The following RASL11A variants were observed in gnomAD, a reference collection of about 807,000 sequenced individuals.
RASL11A encodes RAS like family 11 member A, also known as ras-like protein family member 11A.
RASL11A carries 14 observed loss-of-function variants against 17.1 expected under a neutral mutation model. The ratio of observed to expected loss-of-function variants is 0.82; its 90% CI spans 0.54 to 1.28. The LOEUF (loss-of-function observed/expected upper bound fraction) is 1.28, where lower values mean the gene tolerates loss of function less well. Among genes scored for constraint, RASL11A ranks in the 50% most tolerant of loss-of-function variants. RASL11A has a pLI of 0.00. For synonymous variants in RASL11A, 146 were observed against 132.5 expected (o/e 1.10, Z -0.70); for missense variants, 283 against 312.3 (o/e 0.91, Z 0.71).
Position 27,274,929 on chromosome 13 carries a change from T to G in RASL11A, c.*1435T>G, listed in dbSNP as rs115001866. ...GATTACCATGAAACAAATTGTTACTTCTGCAGGGCAAGGACAGGTGTTCTG... is the reference window on the plus strand; with the variant it reads ...GATTACCATGAAACAAATTGTTACTGCTGCAGGGCAAGGACAGGTGTTCTG... On this transcript the variant is annotated 3_prime_UTR_variant, in exon 4 of 4. Coordinates refer to ENST00000241463, the MANE Select transcript of RASL11A (RefSeq NM_206827.2). 7.1e-3 allele frequency among the ~76,000 whole-genome samples: 1,085 copies of G among 152,344 alleles called. 14 individuals carry two copies. Among genetic ancestry groups the G allele is most frequent in the African/African-American group, 0.025 (1,038 of 41,596 alleles).
At position 27,271,077 on chromosome 13, in the gene RASL11A, G is replaced by C. The variant is rs1003599606; in HGVS notation, c.124+9G>C. 1.3e-6 allele frequency: 2 copies of C among 1,560,900 alleles called. No homozygotes were observed. Among genetic ancestry groups the C allele is most frequent in the Non-Finnish European group, 1.7e-6 (2 of 1,152,674 alleles). On this transcript the variant is annotated intron_variant, in intron 1 of 3. Transcript: ENST00000241463. The stretch of plus-strand genomic sequence containing the variant: ...CCGCGTGGGCAAGAGCGGTGAGTGC[G>C]GCGGGGACCCCCGGGCGGCTTCGCT...
In RASL11A at chr13:27,273,521, T is replaced by C. The variant is rs1593269167; in HGVS notation, c.*27T>C. 6.5e-7 allele frequency: 1 copy of C among 1,546,372 alleles called. No individual in the cohort carries two copies. The highest frequency in any genetic ancestry group is 8.9e-7 in the Non-Finnish European group (1 of 1,123,892). On this transcript the variant is annotated 3_prime_UTR_variant, in exon 4 of 4. Transcript: ENST00000241463. Reference sequence around the variant, plus strand: ...CTATCTCAGACAGATGCCTCTCCTTTTTAATACGCATTTGTGCAGCTAAAA... The same window carrying C: ...CTATCTCAGACAGATGCCTCTCCTTCTTAATACGCATTTGTGCAGCTAAAA...
rs763780822 is a variant in RASL11A at position 27,271,635 on chromosome 13, C to T, written c.182-4C>T. 2.1e-5 allele frequency: 34 copies of T among 1,614,126 alleles called. No homozygotes were observed. The South Asian group carries it at 3.6e-4, about 17-fold the overall frequency. On this transcript the variant is annotated splice_polypyrimidine_tract_variant and splice_region_variant and intron_variant, in intron 2 of 3. Transcript: ENST00000241463. ...TAAAAAGCAAACTCTACTTCATTCT[C>T]CAGGCAAGCTGTATTCACGGCTGGT...
Position 27,273,454 on chromosome 13 carries a change from C to T in RASL11A, c.689C>T (p.Ala230Val), listed in dbSNP as rs748871171. The T allele has an allele frequency of 1.4e-5, 23 of 1,614,172 alleles. 1 individual carries two copies. The South Asian group carries it at 2.1e-4, about 15-fold the overall frequency. The stretch of plus-strand genomic sequence containing the variant: ...GACCTGAAGAGACGCTTCAAGCAGG[C>T]TCTGTCTCCCAAAGTCAAAGCCCCC... ...MQDLKRRFKQ[A>V]LSPKVKAPSA... Residue 230 changes from alanine to valine, a missense_variant, in exon 4 of 4, where the codon GCT becomes GTT. By Grantham distance (64) the Ala-to-Val change is moderately conservative (BLOSUM62 0). Coordinates refer to ENST00000241463, the MANE Select transcript of RASL11A (RefSeq NM_206827.2).
chr13:27,273,138 C>G lies in RASL11A; in HGVS notation c.373C>G (p.Arg125Gly). The change falls in exon 4 of 4, where the codon CGA becomes GGA. Residue 125 changes from arginine to glycine, a missense_variant. Arg to Gly is a moderately radical substitution (Grantham distance 125). Coordinates refer to ENST00000241463, the MANE Select transcript of RASL11A (RefSeq NM_206827.2). ...AGACTATGACAGCTACTTGTCCATCCGACCCCTTTATCAGCACATCCGGAA... is the reference window on the plus strand; with the variant it reads ...AGACTATGACAGCTACTTGTCCATCGGACCCCTTTATCAGCACATCCGGAA... ...ITDYDSYLSIRPLYQHIRKVH... is the reference protein window; with the variant it reads ...ITDYDSYLSIGPLYQHIRKVH... The G allele has an allele frequency of 6.2e-7, 1 of 1,614,168 alleles. No individual in the cohort carries two copies. Among genetic ancestry groups the G allele is most frequent in the Non-Finnish European group, 8.5e-7 (1 of 1,180,026 alleles).
In RASL11A at chr13:27,271,694, C is replaced by G. The variant is rs1882296102; in HGVS notation, c.237C>G (p.Ile79Met). ...AGGGGGACCAGCTCTCCCTGCAGATCCAGGATACTCCCGGGGGCGTCCAGG... is the reference window on the plus strand; with the variant it reads ...AGGGGGACCAGCTCTCCCTGCAGATGCAGGATACTCCCGGGGGCGTCCAGG... ...YVEGDQLSLQIQDTPGGVQIQ... is the reference protein window; with the variant it reads ...YVEGDQLSLQMQDTPGGVQIQ... Residue 79 changes from isoleucine to methionine, a missense_variant, in exon 3 of 4, where the codon ATC becomes ATG. Transcript: ENST00000241463. 1 of 1,611,890 alleles carries G rather than the reference C, an allele frequency of 6.2e-7. No homozygotes were observed. The highest frequency in any genetic ancestry group is 1.1e-5 in the South Asian group (1 of 90,956).
rs914434774 is a variant in RASL11A, at chr13:27,270,868, C to G, written c.-77C>G. 7.3e-5 allele frequency: 112 copies of G among 1,527,774 alleles called. No homozygotes were observed. Among genetic ancestry groups the G allele is most frequent in the South Asian group, 4.5e-4 (36 of 80,280 alleles). 94.6% of individuals were successfully genotyped at this position (1,527,774 alleles called of 1,614,324 possible). On this transcript the variant is annotated 5_prime_UTR_variant, in exon 1 of 4. Transcript: ENST00000241463. ...GGTCCCGGACCTCTAGTCCCGCACT[C>G]CCAGCTGGCGAGCCGGCTCCGGGTG...
chr13:27,273,491 G>A lies in RASL11A; in HGVS notation c.726G>A (p.Gly242=), dbSNP rs201948182. The change falls in exon 4 of 4, where the codon GGG becomes GGA. Residue 242 remains glycine, a synonymous_variant. Transcript: ENST00000241463. The stretch of plus-strand genomic sequence containing the variant: ...AAGTCAAAGCCCCCTCTGCACTGGG[G>A]TGAACTATCTCAGACAGATGCCTCT... ...SPKVKAPSAL[G] is the part of the protein sequence containing the mutation. The A allele has an allele frequency of 1.4e-4, 233 of 1,612,698 alleles. No individual in the cohort carries two copies. In the Middle Eastern group the frequency reaches 2.4e-3, roughly 16 times the overall value.
rs760917496 is a variant in RASL11A at position 27,273,402 on chromosome 13, C to T, written c.637C>T (p.Pro213Ser). Reference sequence around the variant, plus strand: ...GGAAAGAAGAAGAGCCTCCATCATCCCTCGGCCCCGCTCTCCCAACATGCA... The same window carrying T: ...GGAAAGAAGAAGAGCCTCCATCATCTCTCGGCCCCGCTCTCCCAACATGCA... ...SGERRRASIIPRPRSPNMQDL... is the reference protein window; with the variant it reads ...SGERRRASIISRPRSPNMQDL... Residue 213 changes from proline (P) to serine (S), a missense_variant, in exon 4 of 4, where the codon CCT becomes TCT. Physicochemically the swap from Pro to Ser is moderately conservative, Grantham distance 74 (BLOSUM62 -1). Coordinates refer to ENST00000241463, the MANE Select transcript of RASL11A (RefSeq NM_206827.2). 45 of 1,614,046 alleles carry T rather than the reference C, an allele frequency of 2.8e-5. No individual in the cohort carries two copies. In the Middle Eastern group the frequency reaches 4.9e-4, roughly 18 times the overall value.
chr13:27,272,978 C>A, intron 3 of RASL11A, 49 bp from the exon 4 acceptor site: 2 of 1,472,232 alleles, frequency 1.4e-6, no homozygotes, highest in Non-Finnish European at 1.9e-6. Context: ...TTGAGTTTAT[C>A]TCCCACTGAG....
At chr13:27,272,497 C>A (rs1047711578) in intron 3 of RASL11A, among the ~76,000 whole-genome samples, 6 of 152,186 alleles carry the variant, frequency 3.9e-5, no homozygotes, top group Non-Finnish European at 8.8e-5. Flanking sequence ...AATCAGATAA[C>A]CCCTTGGCAG....
In RASL11A at chr13:27,273,496, C is replaced by A. The variant is rs1348206851; in HGVS notation, c.*2C>A. On this transcript the variant is annotated 3_prime_UTR_variant, in exon 4 of 4. Coordinates refer to ENST00000241463, the MANE Select transcript of RASL11A (RefSeq NM_206827.2). ...AAAGCCCCCTCTGCACTGGGGTGAACTATCTCAGACAGATGCCTCTCCTTT... is the reference window on the plus strand; with the variant it reads ...AAAGCCCCCTCTGCACTGGGGTGAAATATCTCAGACAGATGCCTCTCCTTT... 5 of 1,602,940 alleles carry A rather than the reference C, an allele frequency of 3.1e-6. No individual in the cohort carries two copies. The Admixed American group carries it at 6.7e-5, about 22-fold the overall frequency.
Position 27,274,336 on chromosome 13 carries a change from A to G in RASL11A, c.*842A>G, listed in dbSNP as rs1424016604. 2.0e-5 allele frequency among the ~76,000 whole-genome samples: 3 copies of G among 152,208 alleles called. No individual in the cohort carries two copies. The highest frequency in any genetic ancestry group is 2.0e-4 in the Admixed American group (3 of 15,284). The stretch of plus-strand genomic sequence containing the variant: ...CATCTCCTAATTGTCTCTTCACATC[A>G]GAACAATGCTACTAAAACTAACCCT... On this transcript the variant is annotated 3_prime_UTR_variant, in exon 4 of 4. Coordinates refer to ENST00000241463, the MANE Select transcript of RASL11A (RefSeq NM_206827.2).
At chr13:27,271,234 C>T (rs1359505321) in intron 1 of RASL11A, 166 bp downstream of exon 1, 2 of 1,446,560 alleles carry the variant, frequency 1.4e-6, no homozygotes, top group Non-Finnish European at 1.8e-6. Context: ...GGCCTGCTTC[C>T]CTGGCGTTTC....
chr13:27,270,904 C>T lies in RASL11A; in HGVS notation c.-41C>T. On this transcript the variant is annotated 5_prime_UTR_variant, in exon 1 of 4. Coordinates refer to ENST00000241463, the MANE Select transcript of RASL11A (RefSeq NM_206827.2). ...AGCCGGCTCCGGGTGCGGCGAGGCC[C>T]AGCCCTCTCGGATTGCGCGCCGGAC... 2 of 1,556,888 alleles carry T rather than the reference C, an allele frequency of 1.3e-6. No individual in the cohort carries two copies. The highest frequency in any genetic ancestry group is 1.7e-6 in the Non-Finnish European group (2 of 1,151,234).
In RASL11A at chr13:27,273,311, C is replaced by T. The variant is rs138870499; in HGVS notation, c.546C>T (p.Tyr182=). 560 of 1,614,168 alleles carry T rather than the reference C, an allele frequency of 3.5e-4. No individual in the cohort carries two copies. Among genetic ancestry groups the T allele is most frequent in the Admixed American group, 6.2e-4 (37 of 60,018 alleles). Residue 182 remains tyrosine (Y), a synonymous_variant, in exon 4 of 4, where the codon TAC becomes TAT. Transcript: ENST00000241463. ...LFLEISTSEN[Y]EDVCDVFQHL... is the part of the protein sequence containing the mutation. ...TTGAAATTTCCACTAGCGAAAACTA[C>T]GAAGATGTCTGTGATGTGTTTCAGC...
At chr13:27,271,748 C>T (rs1882299428) in intron 3 of RASL11A, 30 bp downstream of exon 3, 2 of 1,577,812 alleles carry the variant, frequency 1.3e-6, no homozygotes, top group African/African-American at 2.7e-5. Context: ...AACAGCTCAC[C>T]CCCACCCGTG....
chr13:27,273,354 AGCAAGATGCACG>A lies in RASL11A; in HGVS notation c.592_603del (p.Lys198_Gly201del). 6.2e-7 allele frequency: 1 copy of A among 1,614,246 alleles called. No individual in the cohort carries two copies. Among genetic ancestry groups the A allele is most frequent in the South Asian group, 1.1e-5 (1 of 91,088 alleles). Reference sequence around the variant, plus strand: ...GTTTCAGCATCTCTGCAAAGAAGTGAGCAAGATGCACGGCCTCAGTGGGGAAAGAAGAAGAGC... The same window carrying A: ...GTTTCAGCATCTCTGCAAAGAAGTGAGCCTCAGTGGGGAAAGAAGAAGAGC... On this transcript the variant is annotated inframe_deletion, in exon 4 of 4. Transcript: ENST00000241463.
In RASL11A at chr13:27,275,117, G is replaced by T. The variant is rs150695246; in HGVS notation, c.*1623G>T. Among the ~76,000 whole-genome samples the T allele has an allele frequency of 3.8e-3, 586 of 152,274 alleles. 1 individual carries two copies. The highest frequency in any genetic ancestry group is 0.013 in the African/African-American group (552 of 41,552). On this transcript the variant is annotated 3_prime_UTR_variant, in exon 4 of 4. Coordinates refer to ENST00000241463, the MANE Select transcript of RASL11A (RefSeq NM_206827.2). ...CTACCTATACAAAATGGCATGAAGG[G>T]TTAAGAAAATTAGATGATGCATGTC...
Sources: gnomAD v4.1 joint callset for allele counts (sites outside exome capture counted in the v4.1 genomes callset) on GRCh38, gnomAD v4.1.1 for gene constraint, MANE v1.5 for transcripts, NCBI Gene and HGNC (gene_info 2026-07-23, HGNC 2026-07-21) for gene names.